Variants in CUX2 observed in about 807,000 individuals in gnomAD.
The protein encoded by CUX2 is cut like homeobox 2, also known as homeobox protein cut-like 2.
A neutral mutation model predicts 144.8 loss-of-function variants in CUX2; 40 were observed. That is an observed-to-expected ratio of 0.28 (90% CI 0.21 to 0.36). CUX2 has a LOEUF of 0.36. Among genes scored for constraint, CUX2 ranks in the 10% least tolerant of loss-of-function variants. CUX2 has a pLI of 1.00. For synonymous variants in CUX2, 827 were observed against 875.6 expected, an observed-to-expected ratio of 0.94 and a Z score of 0.98; for missense variants, 1,615 against 1,994.0, an observed-to-expected ratio of 0.81 and a Z score of 3.62.
At chr12:111,159,149 G>T (rs1000506734) in intron 1 of CUX2, among the ~76,000 whole-genome samples, 1 of 152,132 alleles carries the variant, frequency 6.6e-6, no homozygotes, top group African/African-American at 2.4e-5. Context: ...TTTTGTTGTT[G>T]TTGTTGTTGT....
intron 1 of CUX2, among the ~76,000 whole-genome samples, chr12:111,132,584 T>TG (rs1875568916): frequency 7.4e-6 from 1 of 134,620 alleles, no homozygotes; most frequent in Non-Finnish European, 1.5e-5. Context: ...TTTTTTTTTT[T>TG]GAGACAGAGT....
chr12:111,267,315 T>A (rs1884438098), intron 4 of CUX2, among the ~76,000 whole-genome samples: 1 of 151,932 alleles, frequency 6.6e-6, no homozygotes, highest in South Asian at 2.1e-4. Context: ...AGCTCCCCTG[T>A]GATCTTGGAG....
intron 3 of CUX2, among the ~76,000 whole-genome samples, chr12:111,249,196 G>A (rs954618483): frequency 1.2e-4 from 19 of 152,216 alleles, no homozygotes; most frequent in African/African-American, 2.2e-4. Flanking sequence ...CTCACACAGC[G>A]CAGAGAACAG....
intron 1 of CUX2, among the ~76,000 whole-genome samples, chr12:111,129,653 C>T (rs1028845249): frequency 6.6e-6 from 1 of 152,188 alleles, no homozygotes; most frequent in Non-Finnish European, 1.5e-5. Flanking sequence ...CAGTCACCAC[C>T]CCTGATCTTT....
In CUX2 at chr12:111,320,065, G is replaced by A. The variant is rs1385389806; in HGVS notation, c.2056G>A (p.Ala686Thr). ...PLSIANGTTPASTSEDAIKSI... is the reference protein window; with the variant it reads ...PLSIANGTTPTSTSEDAIKSI... ...GAGCATCGCCAACGGCACGACCCCC[G>A]CCAGCACCTCGGAGGACGCCATCAA... The change falls in exon 17 of 22, where the codon GCC becomes ACC. Residue 686 changes from alanine to threonine, a missense_variant. Around this residue, in one of 12 missense-constraint regions of CUX2, gnomAD observed 390 missense variants for 387.1 expected, o/e 1.01. Transcript: ENST00000261726. The surrounding 1 kb of genome is among the most constrained non-coding windows in gnomAD (Gnocchi z 8.1). The A allele has an allele frequency of 2.6e-6, 4 of 1,551,342 alleles. No homozygotes were observed. The highest frequency in any genetic ancestry group is 2.6e-6 in the Non-Finnish European group (3 of 1,152,772).
At chr12:111,049,466 A>C (rs1423248850) in intron 1 of CUX2, among the ~76,000 whole-genome samples, 2 of 152,254 alleles carry the variant, frequency 1.3e-5, no homozygotes, top group Non-Finnish European at 1.5e-5. Context: ...GGAGGAGTCA[A>C]CTGTAGTGAA....
intron 14 of CUX2, 143 bp downstream of exon 14, chr12:111,308,669 C>T: frequency 1.5e-6 from 1 of 687,268 alleles, no homozygotes; most frequent in Non-Finnish European, 2.5e-6. Context: ...TTGGCACCTG[C>T]TGTATGCCTG....
chr12:111,246,637 A>G lies in CUX2; in HGVS notation c.223-17124A>G, dbSNP rs923061554. 4.6e-5 allele frequency among the ~76,000 whole-genome samples: 7 copies of G among 152,232 alleles called. No homozygotes were observed. Among genetic ancestry groups the G allele is most frequent in the African/African-American group, 1.7e-4 (7 of 41,454 alleles). Reference sequence around the variant, plus strand: ...TTAAAACCTGAGCAAAACAAAGTGCATGTGGAATTTGGACCACAGACTCCA... The same window carrying G: ...TTAAAACCTGAGCAAAACAAAGTGCGTGTGGAATTTGGACCACAGACTCCA... On this transcript the variant is annotated intron_variant, in intron 3 of 21. Transcript: ENST00000261726. The surrounding 1 kb of genome is among the most constrained non-coding windows in gnomAD (Gnocchi z 4.0).
chr12:111,183,531 G>A (rs546026264), intron 1 of CUX2, among the ~76,000 whole-genome samples: 2 of 152,320 alleles, frequency 1.3e-5, no homozygotes, highest in South Asian at 4.1e-4. Flanking sequence ...AGATTGCTTC[G>A]AGCCAGGATA....
At chr12:111,302,899 T>TAAAAAA (rs35454022) in intron 9 of CUX2, among the ~76,000 whole-genome samples, 2 of 109,440 alleles carry the variant, frequency 1.8e-5, no homozygotes, top group South Asian at 2.8e-4. Context: ...GACTCTGTCT[T>TAAAAAA]AAAAAAAAAA....
chr12:111,114,402 GC>G (rs1874167145), intron 1 of CUX2, among the ~76,000 whole-genome samples: 1 of 152,010 alleles, frequency 6.6e-6, no homozygotes, highest in South Asian at 2.1e-4. Flanking sequence ...TTTTAGTGAT[GC>G]TTCTCTTCAT....
At chr12:111,113,299 T>A (rs866739216) in intron 1 of CUX2, among the ~76,000 whole-genome samples, 2 of 152,076 alleles carry the variant, frequency 1.3e-5, no homozygotes, top group South Asian at 2.1e-4. Flanking sequence ...AGATGACTGG[T>A]GGAGTTTTAA....
At chr12:111,249,298 A>G (rs1346181642) in intron 3 of CUX2, among the ~76,000 whole-genome samples, 1 of 151,278 alleles carries the variant, frequency 6.6e-6, no homozygotes, top group Non-Finnish European at 1.5e-5. Context: ...CATTTTCCCC[A>G]TCTGTGAAAT....
At chr12:111,073,762 C>G (rs903541220) in intron 1 of CUX2, among the ~76,000 whole-genome samples, 2 of 152,030 alleles carry the variant, frequency 1.3e-5, no homozygotes, top group Admixed American at 1.3e-4. Context: ...GAATTTGAAA[C>G]CAGCCTGGGC....
chr12:111,183,549 G>T (rs989809060), intron 1 of CUX2, among the ~76,000 whole-genome samples: 1 of 152,230 alleles, frequency 6.6e-6, no homozygotes, highest in Non-Finnish European at 1.5e-5. Flanking sequence ...ATAGCATGGG[G>T]GTTAAACGCT....
At chr12:111,339,176 G>A (rs1888477387) in intron 20 of CUX2, among the ~76,000 whole-genome samples, 1 of 150,694 alleles carries the variant, frequency 6.6e-6, no homozygotes, top group South Asian at 2.1e-4. Flanking sequence ...AGGTTGCGGT[G>A]AGCTGAGATC....
intron 1 of CUX2, among the ~76,000 whole-genome samples, chr12:111,150,769 G>A: frequency 6.6e-6 from 1 of 151,726 alleles, no homozygotes; most frequent in Non-Finnish European, 1.5e-5. Context: ...TGGGAGGGGT[G>A]GGGTGTGTGG....
chr12:111,233,058 A>T (rs1342894285), intron 3 of CUX2, among the ~76,000 whole-genome samples: 1 of 152,210 alleles, frequency 6.6e-6, no homozygotes, highest in East Asian at 1.9e-4. Flanking sequence ...AAGAGTAGGG[A>T]CATTCTAGTC....
intron 1 of CUX2, among the ~76,000 whole-genome samples, chr12:111,145,753 G>A (rs1295719403): frequency 6.6e-6 from 1 of 151,862 alleles, no homozygotes; most frequent in Admixed American, 6.6e-5. Context: ...TGCAGTCTCT[G>A]CCTCCCAGGT....
Sources: gnomAD v4.1 joint callset for allele counts (sites outside exome capture counted in the v4.1 genomes callset) on GRCh38, gnomAD v4.1.1 for gene constraint, gnomAD v4.1.1 regional missense constraint, Gnocchi (gnomAD v3.1) non-coding constraint, MANE v1.5 for transcripts, NCBI Gene and HGNC (gene_info 2026-07-23, HGNC 2026-07-21) for gene names.